SDHAF3: variants seen among roughly 807,000 people sequenced by gnomAD.
SDHAF3 encodes the protein succinate dehydrogenase complex assembly factor 3.
SDHAF3 carries 18 observed loss-of-function variants against 11.5 expected under a neutral mutation model. The ratio of observed to expected loss-of-function variants is 1.56; its 90% CI spans 1.08 to 2.32. The LOEUF (loss-of-function observed/expected upper bound fraction) is 2.32. Among genes scored for constraint, SDHAF3 ranks in the 30% most tolerant of loss-of-function variants. The pLI is 0.00. For missense variants in SDHAF3, 200 were observed against 154.4 expected, an observed-to-expected ratio of 1.30 and a Z score of -1.57; for synonymous variants, 72 against 59.3, an observed-to-expected ratio of 1.21 and a Z score of -0.99.
At chr7:97,142,652 T>A (rs2115670667) in intron 1 of SDHAF3, 1 of 152,282 alleles carries the variant, frequency 6.6e-6, no homozygotes, top group Admixed American at 6.5e-5. Flanking sequence ...ATACTCCTGT[T>A]TCTTTTCCGA....
chr7:97,126,639 C>T (rs1218527300), intron 1 of SDHAF3, among the ~76,000 whole-genome samples: 1 of 152,086 alleles, frequency 6.6e-6, no homozygotes, highest in African/African-American at 2.4e-5. Flanking sequence ...ATGGCAGATG[C>T]CCCTCCCCCC....
chr7:97,133,186 A>G (rs1414432390), intron 1 of SDHAF3, among the ~76,000 whole-genome samples: 1 of 152,204 alleles, frequency 6.6e-6, no homozygotes, highest in Admixed American at 6.5e-5. Flanking sequence ...GTAATCAAAT[A>G]CATTAGTATG....
intron 1 of SDHAF3, among the ~76,000 whole-genome samples, chr7:97,162,069 A>G (rs911358818): frequency 3.9e-5 from 6 of 152,140 alleles, no homozygotes; most frequent in Non-Finnish European, 7.3e-5. Flanking sequence ...AAGTGTTCCT[A>G]TTTCTCCACA....
Position 97,166,753 on chromosome 7 carries a change from G to GT in SDHAF3, c.175-14259_175-14258insT, listed in dbSNP as rs566100227. ...AAGGGGCCAGTTAGTTGGCGGGGGG[G>GT]GCTTAGAATTTTATTTTAGGTTTAC... On this transcript the variant is annotated intron_variant, in intron 1 of 1. Transcript: ENST00000432641. Among the ~76,000 whole-genome samples, 5 of 151,830 alleles carry GT rather than the reference G, an allele frequency of 3.3e-5. No individual in the cohort carries two copies. In the East Asian group the frequency reaches 7.8e-4, roughly 24 times the overall value.
chr7:97,135,579 ATATGTG>A (rs1791741359), intron 1 of SDHAF3: 1 of 115,948 alleles, frequency 8.6e-6, no homozygotes, highest in African/African-American at 3.2e-5. Flanking sequence ...GCTAGTCCCC[ATATGTG>A]TGTGTGTGTG....
At chr7:97,176,116 C>T (rs915905423) in intron 1 of SDHAF3, among the ~76,000 whole-genome samples, 5 of 152,166 alleles carry the variant, frequency 3.3e-5, no homozygotes, top group East Asian at 1.9e-4. Flanking sequence ...ATCTCAGAAT[C>T]CTCAATCACA....
chr7:97,169,171 C>T (rs956917924), intron 1 of SDHAF3, among the ~76,000 whole-genome samples: 1 of 152,070 alleles, frequency 6.6e-6, no homozygotes, highest in Non-Finnish European at 1.5e-5. Context: ...ACTAAAAATA[C>T]AAAAGTTAGC....
intron 1 of SDHAF3, chr7:97,135,680 A>T (rs1265696024): frequency 5.7e-4 from 49 of 85,788 alleles, no homozygotes; most frequent in African/African-American, 2.3e-3. Flanking sequence ...ATATATATAT[A>T]TATTTTTTTT....
Position 97,177,828 on chromosome 7 carries a change from G to A in SDHAF3, c.175-3184G>A, listed in dbSNP as rs544668378. Among the ~76,000 whole-genome samples the A allele has an allele frequency of 3.3e-4, 50 of 152,096 alleles. 1 individual carries two copies. Among genetic ancestry groups the A allele is most frequent in the African/African-American group, 9.4e-4 (39 of 41,476 alleles). ...TTTATCTGCCCCATTTATGATGACC[G>A]TATTTTCTTTTACATACTTAACATT... On this transcript the variant is annotated intron_variant, in intron 1 of 1. Coordinates refer to ENST00000432641, the MANE Select transcript of SDHAF3 (RefSeq NM_020186.3).
chr7:97,169,713 T>TGAAAA (rs1789575223), intron 1 of SDHAF3, among the ~76,000 whole-genome samples: 2 of 151,910 alleles, frequency 1.3e-5, no homozygotes. Context: ...TTCTGTAGAG[T>TGAAAA]GAAAAGAAAA....
intron 1 of SDHAF3, among the ~76,000 whole-genome samples, chr7:97,139,749 C>A (rs778943300): frequency 7.9e-5 from 12 of 152,190 alleles, no homozygotes; most frequent in Non-Finnish European, 1.8e-4. Context: ...GCTCTGAAAA[C>A]AAATTTTGTA....
chr7:97,168,685 G>A (rs1789554446), intron 1 of SDHAF3, among the ~76,000 whole-genome samples: 1 of 152,326 alleles, frequency 6.6e-6, no homozygotes, highest in Non-Finnish European at 1.5e-5. Context: ...AACCGGGGGT[G>A]TAATTGGGAT....
At chr7:97,120,016 TA>T (rs1317539775) in intron 1 of SDHAF3, among the ~76,000 whole-genome samples, 1 of 152,150 alleles carries the variant, frequency 6.6e-6, no homozygotes, top group Admixed American at 6.5e-5. Flanking sequence ...ACTGTAAACT[TA>T]CTATTTTCTC....
At chr7:97,129,622 A>G (rs909054770) in intron 1 of SDHAF3, among the ~76,000 whole-genome samples, 8 of 152,180 alleles carry the variant, frequency 5.3e-5, no homozygotes, top group African/African-American at 1.9e-4. Flanking sequence ...ACTAAGGCCT[A>G]TAGAAGTAAA....
chr7:97,142,094 C>A (rs564171780), intron 1 of SDHAF3, among the ~76,000 whole-genome samples: 2 of 116,262 alleles, frequency 1.7e-5, no homozygotes, highest in Non-Finnish European at 3.2e-5. Context: ...CGCCCTGTTG[C>A]CTGGGCTGGA....
intron 1 of SDHAF3, among the ~76,000 whole-genome samples, chr7:97,164,663 G>T (rs1384893395): frequency 6.6e-6 from 1 of 151,998 alleles, no homozygotes; most frequent in Non-Finnish European, 1.5e-5. Flanking sequence ...GTGTGAGCCA[G>T]CGTGCCTTTC....
At chr7:97,118,384 A>C (rs1331522004) in intron 1 of SDHAF3, among the ~76,000 whole-genome samples, 1 of 152,204 alleles carries the variant, frequency 6.6e-6, no homozygotes, top group Non-Finnish European at 1.5e-5. Flanking sequence ...GTAACATGAA[A>C]AAGATTACAA....
At chr7:97,140,740 TGAG>T (rs1789021210) in intron 1 of SDHAF3, among the ~76,000 whole-genome samples, 1 of 152,210 alleles carries the variant, frequency 6.6e-6, no homozygotes, top group Admixed American at 6.5e-5. Context: ...CTTCGCAAGC[TGAG>T]GAGGATGTAT....
intron 1 of SDHAF3, among the ~76,000 whole-genome samples, chr7:97,118,145 G>A (rs1358384603): frequency 6.6e-6 from 1 of 152,158 alleles, no homozygotes; most frequent in Non-Finnish European, 1.5e-5. Context: ...TGCTCAAAGG[G>A]TGAGGGTAGG....
Sources: gnomAD v4.1 joint callset for allele counts (sites outside exome capture counted in the v4.1 genomes callset) on GRCh38, gnomAD v4.1.1 for gene constraint, MANE v1.5 for transcripts, NCBI Gene and HGNC (gene_info 2026-07-23, HGNC 2026-07-21) for gene names.